The following SHTN1 variants were observed in gnomAD, a reference collection of about 807,000 sequenced individuals.
SHTN1 encodes the protein shootin 1, also known as shootin-1.
SHTN1 carries 42 observed loss-of-function variants against 83.1 expected under a neutral mutation model. That is an observed-to-expected ratio of 0.51 (90% CI 0.39 to 0.65). The LOEUF (loss-of-function observed/expected upper bound fraction) is 0.65. Among genes scored for constraint, SHTN1 ranks in the 30% least tolerant of loss-of-function variants. The pLI, the probability that SHTN1 is intolerant of heterozygous loss-of-function variation, is 0.00. For missense variants in SHTN1, 622 were observed against 737.8 expected (o/e 0.84, Z 1.82); for synonymous variants, 224 against 247.7 (o/e 0.90, Z 0.90).
intron 1 of SHTN1, among the ~76,000 whole-genome samples, chr10:117,103,359 G>A (rs1853622611): frequency 6.6e-6 from 1 of 151,910 alleles, no homozygotes; most frequent in Admixed American, 6.6e-5. Flanking sequence ...CCAAAGTTCT[G>A]GGATTACAGG....
chr10:116,915,826 T>C (rs1354387447), intron 12 of SHTN1, among the ~76,000 whole-genome samples: 2 of 152,178 alleles, frequency 1.3e-5, no homozygotes, highest in African/African-American at 4.8e-5. Flanking sequence ...TCCCAAATAA[T>C]CTTTGTCTCA....
At chr10:116,898,883 A>G (rs1158188587) in intron 16 of SHTN1, among the ~76,000 whole-genome samples, 5 of 152,206 alleles carry the variant, frequency 3.3e-5, no homozygotes, top group African/African-American at 9.6e-5. Context: ...ATAAATCAGT[A>G]TATCTTTGAC....
chr10:116,903,093 G>C (rs929749198), intron 15 of SHTN1, among the ~76,000 whole-genome samples: 3 of 152,216 alleles, frequency 2.0e-5, no homozygotes, highest in Non-Finnish European at 4.4e-5. Flanking sequence ...ACACCTCTCT[G>C]AGCCTTGCTC....
At chr10:116,981,541 A>T (rs2133485681) in intron 1 of SHTN1, among the ~76,000 whole-genome samples, 1 of 152,276 alleles carries the variant, frequency 6.6e-6, no homozygotes, top group Admixed American at 6.5e-5. Context: ...ATTCACTTAC[A>T]CCACCACTGG....
chr10:116,940,172 T>C (rs551932735), intron 9 of SHTN1, among the ~76,000 whole-genome samples: 1 of 152,378 alleles, frequency 6.6e-6, no homozygotes, highest in East Asian at 1.9e-4. Flanking sequence ...TTCCAGACTT[T>C]GCCTTATCCA....
intron 2 of SHTN1, 78 bp downstream of exon 2, chr10:116,979,178 T>C (rs1850922386): frequency 1.1e-5 from 13 of 1,161,176 alleles, no homozygotes; most frequent in African/African-American, 3.1e-5. Flanking sequence ...TTAACTGAAA[T>C]TGGTGACTGA....
intron 2 of SHTN1, among the ~76,000 whole-genome samples, chr10:116,977,463 T>C (rs1276719749): frequency 6.6e-6 from 1 of 152,176 alleles, no homozygotes; most frequent in Non-Finnish European, 1.5e-5. Flanking sequence ...TAGCTGAGTA[T>C]CTTAGAGCAA....
chr10:116,974,537 GTGTC>G (rs1850723548), intron 2 of SHTN1, among the ~76,000 whole-genome samples: 1 of 152,128 alleles, frequency 6.6e-6, no homozygotes, highest in Non-Finnish European at 1.5e-5. Flanking sequence ...GTCTTGGAAA[GTGTC>G]TGTCTCATTC....
chr10:117,121,939 G>A (rs1217869279), intron 1 of SHTN1, among the ~76,000 whole-genome samples: 2 of 152,284 alleles, frequency 1.3e-5, no homozygotes, highest in East Asian at 3.9e-4. Context: ...GGCTGAGGCA[G>A]GAGAATGGCG....
At chr10:116,945,064 AAATAATCAGG>A in intron 7 of SHTN1, 46 bp from the exon 8 acceptor site, 1 of 1,138,188 alleles carries the variant, frequency 8.8e-7, no homozygotes, top group Non-Finnish European at 1.3e-6. Context: ...TAAGTCACAC[AAATAATCAGG>A]AATATGGATG....
chr10:116,907,512 C>A (rs868307269), intron 14 of SHTN1, among the ~76,000 whole-genome samples: 1 of 152,186 alleles, frequency 6.6e-6, no homozygotes, highest in Non-Finnish European at 1.5e-5. Flanking sequence ...TTTCCCTGCT[C>A]TGGCTCTTCC....
intron 13 of SHTN1, among the ~76,000 whole-genome samples, chr10:116,914,021 C>T (rs539181973): frequency 3.9e-5 from 6 of 152,308 alleles, no homozygotes; most frequent in Admixed American, 1.3e-4. Flanking sequence ...AACTATTTTA[C>T]GTGGTTGGCT....
chr10:117,113,924 A>G (rs552162381), intron 1 of SHTN1, among the ~76,000 whole-genome samples: 4 of 152,296 alleles, frequency 2.6e-5, no homozygotes, highest in African/African-American at 4.8e-5. Context: ...GCACACGCCT[A>G]TAATCCCAGC....
chr10:117,066,734 A>T (rs1325005705), intron 1 of SHTN1, among the ~76,000 whole-genome samples: 3 of 152,206 alleles, frequency 2.0e-5, no homozygotes, highest in African/African-American at 4.8e-5. Flanking sequence ...ACTAAGAAAC[A>T]GTGGTATACT....
At chr10:117,120,873 G>A (rs574800122) in intron 1 of SHTN1, among the ~76,000 whole-genome samples, 46 of 150,208 alleles carry the variant, frequency 3.1e-4, no homozygotes, top group Middle Eastern at 3.4e-3. Flanking sequence ...ACAGTGGCAC[G>A]ATCTCAGCTC....
At chr10:117,051,513 G>C (rs985161587) in intron 1 of SHTN1, among the ~76,000 whole-genome samples, 1 of 151,878 alleles carries the variant, frequency 6.6e-6, no homozygotes, top group Non-Finnish European at 1.5e-5. Flanking sequence ...AAAAATCCTC[G>C]ACAAAATACT....
chr10:117,051,263 A>G (rs1428520317), intron 1 of SHTN1, among the ~76,000 whole-genome samples: 1 of 152,156 alleles, frequency 6.6e-6, no homozygotes, highest in Non-Finnish European at 1.5e-5. Flanking sequence ...CAATAACCAA[A>G]AGTCACCACA....
At chr10:117,010,288 A>G (rs569686626), upstream of SHTN1, among the ~76,000 whole-genome samples, 2 of 152,222 alleles carry the variant, frequency 1.3e-5, no homozygotes, top group East Asian at 3.9e-4. Flanking sequence ...AAGAACAATT[A>G]TATGTCAACA....
intron 1 of SHTN1, among the ~76,000 whole-genome samples, chr10:116,996,097 AC>A (rs1490760218): frequency 6.6e-6 from 1 of 152,226 alleles, no homozygotes; most frequent in Non-Finnish European, 1.5e-5. Context: ...AGTATAATAG[AC>A]AAAAACTTAT....
Sources: gnomAD v4.1 joint callset for allele counts (sites outside exome capture counted in the v4.1 genomes callset) on GRCh38, gnomAD v4.1.1 for gene constraint, MANE v1.5 for transcripts, NCBI Gene and HGNC (gene_info 2026-07-23, HGNC 2026-07-21) for gene names.